AGBL1: variants seen among roughly 807,000 people sequenced by gnomAD.
AGBL1 encodes the protein cytosolic carboxypeptidase 4.
In AGBL1, 130 loss-of-function variants were observed where a neutral mutation model predicts 118.9. The ratio of observed to expected loss-of-function variants is 1.09; its 90% CI spans 0.95 to 1.26. AGBL1 has a LOEUF of 1.26. Among genes scored for constraint, AGBL1 ranks in the 50% most tolerant of loss-of-function variants. AGBL1 has a pLI of 0.00. For missense variants in AGBL1, 1,584 were observed against 1,298.1 expected (o/e 1.22, Z -3.38); for synonymous variants, 555 against 478.9 (o/e 1.16, Z -2.08).
At position 86,897,764 on chromosome 15, in the gene AGBL1, C is replaced by CTTTTTTTT. The variant is rs71460231; in HGVS notation, c.3159-9307_3159-9300dup. Among the ~76,000 whole-genome samples, 672 of 80,604 alleles carry CTTTTTTTT rather than the reference C, an allele frequency of 8.3e-3. 7 individuals carry two copies. Among genetic ancestry groups the CTTTTTTTT allele is most frequent in the Middle Eastern group, 0.045 (3 of 66 alleles). The allele number at this position is 80,604 out of a possible 152,430, so 52.9% of individuals were successfully genotyped here. On this transcript the variant is annotated intron_variant, in intron 22 of 22. Coordinates refer to ENST00000614907, the MANE Select transcript of AGBL1 (RefSeq NM_001386094.1). ...ATAATTTACTCCTTTCATCTTTTATCTTTTTTTTTTTTTTTTTTTTTTTGA... is the reference window on the plus strand; with the variant it reads ...ATAATTTACTCCTTTCATCTTTTATCTTTTTTTTTTTTTTTTTTTTTTTTTTTTTTTGA...
In AGBL1 at chr15:86,915,504, T is replaced by G. The variant is rs1173517163; in HGVS notation, c.*8210T>G. The G allele has an allele frequency of 6.6e-6, 1 of 152,128 alleles. No individual in the cohort carries two copies. The highest frequency in any genetic ancestry group is 1.5e-5 in the Non-Finnish European group (1 of 68,030). 9.4% of individuals were successfully genotyped at this position (152,128 alleles called of 1,614,324 possible). A position where few individuals can be genotyped will look rare whatever the true frequency, so the allele number is the denominator to read the frequency against. On this transcript the variant is annotated 3_prime_UTR_variant, in exon 23 of 23. Coordinates refer to ENST00000614907, the MANE Select transcript of AGBL1 (RefSeq NM_001386094.1). ...CCATCCATGTGCCTAGATCTATCCA[T>G]TATGTGCTTAAATGTAGGCTCCTCC...
intron 5 of AGBL1, among the ~76,000 whole-genome samples, chr15:86,191,704 TTC>T (rs2077724521): frequency 6.6e-6 from 1 of 152,036 alleles, no homozygotes; most frequent in African/African-American, 2.4e-5. Context: ...CTGTAAATTT[TTC>T]TGTTATTTTT....
chr15:86,587,007 A>G (rs78646212), intron 21 of AGBL1, among the ~76,000 whole-genome samples: 18,336 of 152,044 alleles, frequency 0.12, 1,160 homozygotes, highest in East Asian at 0.17. Flanking sequence ...GCATATGAGG[A>G]AGTAAAAAGG....
chr15:86,798,510 C>A (rs2078605256), intron 22 of AGBL1, among the ~76,000 whole-genome samples: 1 of 151,940 alleles, frequency 6.6e-6, no homozygotes, highest in South Asian at 2.1e-4. Context: ...TCCTTTGTTA[C>A]TAAGATTGGT....
rs565226977 is a variant in AGBL1, at chr15:86,529,740, T to C, written c.2685+6801T>C. Among the ~76,000 whole-genome samples the C allele has an allele frequency of 5.3e-5, 8 of 151,874 alleles. No homozygotes were observed. The East Asian group carries it at 1.5e-3, about 29-fold the overall frequency. ...CAGGTTACCCTCAAAGGGAAGCCCA[T>C]CAGACTAACAGCGGATCTCTCGGCA... On this transcript the variant is annotated intron_variant, in intron 19 of 22. Coordinates refer to ENST00000614907, the MANE Select transcript of AGBL1 (RefSeq NM_001386094.1).
chr15:86,316,211 G>GT (rs1237268428), intron 17 of AGBL1, among the ~76,000 whole-genome samples: 2 of 152,336 alleles, frequency 1.3e-5, no homozygotes, highest in East Asian at 3.9e-4. Flanking sequence ...CAGGGGAGAA[G>GT]TGTCCTATCT....
At chr15:86,279,170 G>T (rs544474269) in intron 15 of AGBL1, among the ~76,000 whole-genome samples, 1 of 152,350 alleles carries the variant, frequency 6.6e-6, no homozygotes, top group Non-Finnish European at 1.5e-5. Context: ...CATATATCAT[G>T]TGATTGCTAA....
At chr15:86,720,370 C>G (rs775901236) in intron 22 of AGBL1, among the ~76,000 whole-genome samples, 7 of 152,172 alleles carry the variant, frequency 4.6e-5, no homozygotes, top group Non-Finnish European at 1.0e-4. Flanking sequence ...TCTGTCATTC[C>G]TAGCCTCAAA....
intron 18 of AGBL1, among the ~76,000 whole-genome samples, chr15:86,511,635 G>T (rs150804036): frequency 1.5e-3 from 234 of 152,066 alleles, no homozygotes; most frequent in African/African-American, 5.2e-3. Flanking sequence ...TGCCTCTAGG[G>T]TTGTTGTGAA....
chr15:86,682,582 C>T (rs145471379), intron 22 of AGBL1, among the ~76,000 whole-genome samples: 1 of 152,138 alleles, frequency 6.6e-6, no homozygotes, highest in African/African-American at 2.4e-5. Flanking sequence ...CTGTTTACAG[C>T]TTACAGAATA....
chr15:86,291,643 G>A (rs1458990535), intron 16 of AGBL1, among the ~76,000 whole-genome samples: 1 of 152,204 alleles, frequency 6.6e-6, no homozygotes, highest in Non-Finnish European at 1.5e-5. Flanking sequence ...CCTCACTATG[G>A]AATTATGTGG....
chr15:86,964,031 C>CTCTCTCTCTCTCTCTCTCTCTG (rs1183866210), intron 23 of AGBL1, among the ~76,000 whole-genome samples: 4 of 146,306 alleles, frequency 2.7e-5, no homozygotes, highest in African/African-American at 5.1e-5. Context: ...CTCTCTCTCT[C>CTCTCTCTCTCTCTCTCTCTCTG]TGTGTGTGTG....
intron 22 of AGBL1, among the ~76,000 whole-genome samples, chr15:86,814,053 G>C (rs1470445960): frequency 6.6e-6 from 1 of 152,094 alleles, no homozygotes; most frequent in Non-Finnish European, 1.5e-5. Flanking sequence ...CTTTAGACCG[G>C]GGTTCCCAAC....
chr15:86,995,421 C>G (rs934409597), intron 24 of AGBL1, among the ~76,000 whole-genome samples: 5 of 152,016 alleles, frequency 3.3e-5, no homozygotes, highest in Non-Finnish European at 7.4e-5. Context: ...CATAGGGGCA[C>G]TAAGGTACAT....
At chr15:86,790,691 T>C (rs1001805390) in intron 22 of AGBL1, among the ~76,000 whole-genome samples, 1 of 152,172 alleles carries the variant, frequency 6.6e-6, no homozygotes, top group African/African-American at 2.4e-5. Flanking sequence ...TCTAGGAATT[T>C]AGCAACTTAC....
chr15:86,681,513 A>G (rs1425069727), intron 22 of AGBL1, among the ~76,000 whole-genome samples: 2 of 152,152 alleles, frequency 1.3e-5, no homozygotes, highest in African/African-American at 2.4e-5. Flanking sequence ...CTGGAAAGGC[A>G]TTGGCCTCCT....
chr15:86,281,160 G>A (rs564036855), intron 16 of AGBL1, among the ~76,000 whole-genome samples: 13 of 152,268 alleles, frequency 8.5e-5, no homozygotes, highest in Non-Finnish European at 1.6e-4. Context: ...AAGATGAGAG[G>A]ATTGCTTGAG....
chr15:86,873,847 C>T (rs542034843), intron 22 of AGBL1, among the ~76,000 whole-genome samples: 5 of 151,938 alleles, frequency 3.3e-5, no homozygotes, highest in Non-Finnish European at 5.9e-5. Context: ...TATTTTTTGC[C>T]TTCAGCATAA....
chr15:86,397,266 A>G (rs2081378492), intron 17 of AGBL1, 100 bp from the exon 18 acceptor site: 3 of 831,414 alleles, frequency 3.6e-6, no homozygotes, highest in Non-Finnish European at 5.1e-6. Flanking sequence ...TATTTTTAAT[A>G]AAAATTAGTA....
Sources: allele counts gnomAD v4.1 joint callset (sites outside exome capture counted in the v4.1 genomes callset), GRCh38; gene constraint gnomAD v4.1.1; transcripts MANE v1.5; gene names NCBI Gene and HGNC (gene_info 2026-07-23, HGNC 2026-07-21).